LOXL2: variants seen among roughly 807,000 people sequenced by gnomAD.
The protein encoded by LOXL2 is lysyl oxidase like 2.
Under a neutral mutation model 93.0 loss-of-function variants are expected in LOXL2, and 70 were observed. The observed-to-expected ratio is 0.75, with a 90% CI of 0.62 to 0.92. The LOEUF (loss-of-function observed/expected upper bound fraction) is 0.92. Ranked by LOEUF, LOXL2 falls within the 40% of genes least tolerant of loss-of-function variation. The probability of loss-of-function intolerance (pLI) is 0.00; values close to 1 mark genes in which losing one functional copy is unlikely to be tolerated. For synonymous variants in LOXL2, 438 were observed against 413.2 expected (o/e 1.06, Z -0.73); for missense variants, 973 against 1,054.9 (o/e 0.92, Z 1.08).
chr8:23,318,396 C>A (rs1803437047), intron 8 of LOXL2, among the ~76,000 whole-genome samples: 3 of 151,068 alleles, frequency 2.0e-5, no homozygotes, highest in Non-Finnish European at 2.9e-5. Flanking sequence ...CATATATAAA[C>A]ACACATTCAT....
chr8:23,315,716 G>A (rs560466614), intron 9 of LOXL2, among the ~76,000 whole-genome samples: 6 of 152,232 alleles, frequency 3.9e-5, no homozygotes, highest in African/African-American at 1.4e-4. Flanking sequence ...CATAATAAAT[G>A]CATAGAACCC....
intron 3 of LOXL2, among the ~76,000 whole-genome samples, chr8:23,354,607 T>TGTGTGTGTGTGTGTGTG: frequency 1.3e-5 from 2 of 149,330 alleles, no homozygotes; most frequent in East Asian, 2.0e-4. Flanking sequence ...TGTGTGTGTG[T>TGTGTGTGTGTGTGTGTG]TCTCACACAC....
rs529226891 is a variant in LOXL2 at position 23,338,421 on chromosome 8, G to A, written c.743+2571C>T. The stretch of plus-strand genomic sequence containing the variant: ...CAGTCCAGTAAGGCAGCAGCGGGGT[G>A]GGGGGGCCCAAGGTGGGGGGCCCTC... On this transcript the variant is annotated intron_variant, in intron 4 of 13. Coordinates refer to ENST00000389131, the MANE Select transcript of LOXL2 (RefSeq NM_002318.3). 1.1e-3 allele frequency among the ~76,000 whole-genome samples: 172 copies of A among 152,080 alleles called. 2 individuals are homozygous for A. Among genetic ancestry groups the A allele is most frequent in the East Asian group, 8.7e-3 (45 of 5,158 alleles).
intron 4 of LOXL2, among the ~76,000 whole-genome samples, chr8:23,334,596 C>T (rs1803759814): frequency 6.6e-6 from 1 of 152,024 alleles, no homozygotes; most frequent in African/African-American, 2.4e-5. Context: ...TAAGGAAGCC[C>T]TTAGCCTGTA....
rs1256660516 is a variant in LOXL2, at chr8:23,299,096, C to T, written c.2134-149G>A. 5.0e-6 allele frequency: 3 copies of T among 597,898 alleles called. No homozygotes were observed. In the African/African-American group the frequency reaches 5.6e-5, roughly 11 times the overall value. 37.0% of individuals were successfully genotyped at this position (597,898 alleles called of 1,614,324 possible). A position where few individuals can be genotyped will look rare whatever the true frequency, so the allele number is the denominator to read the frequency against. On this transcript the variant is annotated intron_variant, in intron 12 of 13. Transcript: ENST00000389131. ...GGGGGTCTGTGGGTCTCAACAAAGT[C>T]CTTGGGGAGGGGAAGAGATGAGTCA...
At chr8:23,321,365 G>C (rs564646583) in intron 7 of LOXL2, among the ~76,000 whole-genome samples, 1 of 152,320 alleles carries the variant, frequency 6.6e-6, no homozygotes, top group African/African-American at 2.4e-5. Context: ...TCATGCACTG[G>C]GGGGCTTTTC....
intron 2 of LOXL2, among the ~76,000 whole-genome samples, chr8:23,367,073 G>A (rs748418006): frequency 6.6e-6 from 1 of 152,110 alleles, no homozygotes; most frequent in Non-Finnish European, 1.5e-5. Context: ...TTTTGAGATG[G>A]AGTCTCGCTC....
chr8:23,339,088 G>T (rs1803840134), intron 4 of LOXL2, among the ~76,000 whole-genome samples: 1 of 152,172 alleles, frequency 6.6e-6, no homozygotes, highest in African/African-American at 2.4e-5. Context: ...AGCCCCGACA[G>T]CCCACCGAGG....
chr8:23,397,994 C>T (rs1800114023), intron 1 of LOXL2, among the ~76,000 whole-genome samples: 1 of 147,722 alleles, frequency 6.8e-6, no homozygotes, highest in South Asian at 2.2e-4. Flanking sequence ...AAGAAATGTG[C>T]TTTACTCAAT....
chr8:23,307,666 G>T (rs547692816), intron 10 of LOXL2, among the ~76,000 whole-genome samples: 1 of 152,068 alleles, frequency 6.6e-6, no homozygotes, highest in Non-Finnish European at 1.5e-5. Context: ...AGACCCATAG[G>T]CAGCGTCAGC....
chr8:23,359,539 G>A (rs1203374489), intron 3 of LOXL2, among the ~76,000 whole-genome samples: 1 of 152,096 alleles, frequency 6.6e-6, no homozygotes, highest in Middle Eastern at 3.2e-3. Flanking sequence ...CTGCGTGGGA[G>A]GGGACCTTCC....
intron 4 of LOXL2, chr8:23,337,250 GCCC>G (rs1480777058): frequency 6.5e-6 from 1 of 152,798 alleles, no homozygotes; most frequent in Non-Finnish European, 1.5e-5. Context: ...CAGCCACGGG[GCCC>G]CCGCCACCCT....
At chr8:23,312,345 A>G (rs1803331962) in intron 9 of LOXL2, among the ~76,000 whole-genome samples, 1 of 143,080 alleles carries the variant, frequency 7.0e-6, no homozygotes, top group Non-Finnish European at 1.5e-5. Flanking sequence ...AGACACAACC[A>G]AAAAAGAGAA....
At chr8:23,392,001 A>T (rs1804851614) in intron 1 of LOXL2, among the ~76,000 whole-genome samples, 1 of 152,132 alleles carries the variant, frequency 6.6e-6, no homozygotes, top group Admixed American at 6.6e-5. Context: ...GCCTCATGTG[A>T]GGCTCATGAC....
At position 23,297,495 on chromosome 8, in the gene LOXL2, A is replaced by C. The variant is rs1231093556; in HGVS notation, c.*548T>G. 6.6e-6 allele frequency: 1 copy of C among 152,576 alleles called. No individual in the cohort carries two copies. The highest frequency in any genetic ancestry group is 1.5e-5 in the Non-Finnish European group (1 of 68,330). The allele number at this position is 152,576 out of a possible 1,614,324, so 9.5% of individuals were successfully genotyped here. On this transcript the variant is annotated 3_prime_UTR_variant, in exon 14 of 14. Transcript: ENST00000389131. ...TGTGGATAGGGAAGCACCAAGTCTG[A>C]GCTCACCAAATCAGAAAACACGTGG...
chr8:23,346,838 C>T (rs1167273285), intron 3 of LOXL2, among the ~76,000 whole-genome samples: 1 of 152,146 alleles, frequency 6.6e-6, no homozygotes, highest in Admixed American at 6.5e-5. Context: ...GAGAAGTCAT[C>T]CTGAGGGTGA....
chr8:23,368,459 G>C (rs1467347441), intron 1 of LOXL2, 25 bp from the exon 2 acceptor site: 6 of 890,954 alleles, frequency 6.7e-6, no homozygotes, highest in South Asian at 5.7e-5. Context: ...AGATGCGTTA[G>C]GATGGGAACG....
chr8:23,302,099 G>C lies in LOXL2; in HGVS notation c.2061C>G (p.Asp687Glu). 2 of 1,614,154 alleles carry C rather than the reference G, an allele frequency of 1.2e-6. No individual in the cohort carries two copies. The highest frequency in any genetic ancestry group is 1.7e-6 in the Non-Finnish European group (2 of 1,179,998). Residue 687 changes from aspartate to glutamate, a missense_variant, in exon 12 of 14, where the codon GAC (aspartate) becomes GAG (glutamate). Physicochemically the swap from Asp to Glu is conservative, Grantham distance 45. Coordinates refer to ENST00000389131, the MANE Select transcript of LOXL2 (RefSeq NM_002318.3). ...GDQGITMGCWDMYRHDIDCQW... is the reference protein window; with the variant it reads ...GDQGITMGCWEMYRHDIDCQW... ...GGCAGTCGATGTCATGGCGGTACAT[G>C]TCCCAGCAGCCCATGGTGATGCCCT... is the stretch of plus-strand genomic sequence containing the variant.
rs530595678 is a variant in LOXL2 at position 23,369,376 on chromosome 8, G to A, written c.-83-942C>T. ...GGAGACGATTTTAAAAGGAGCACAC[G>A]TGTGTCTTGTGGAGAAACATGCAGG... On this transcript the variant is annotated intron_variant, in intron 1 of 13. Transcript: ENST00000389131. Among the ~76,000 whole-genome samples the A allele has an allele frequency of 2.6e-4, 40 of 152,280 alleles. 1 individual carries two copies. In the South Asian group the frequency reaches 8.3e-3, roughly 32 times the overall value.
Sources: gnomAD v4.1 joint callset for allele counts (sites outside exome capture counted in the v4.1 genomes callset) on GRCh38, gnomAD v4.1.1 for gene constraint, MANE v1.5 for transcripts, NCBI Gene and HGNC (gene_info 2026-07-23, HGNC 2026-07-21) for gene names.